The following SAMD4A variants were observed in gnomAD, a reference collection of about 807,000 sequenced individuals.
SAMD4A encodes the protein protein Smaug homolog 1.
A neutral mutation model predicts 81.3 loss-of-function variants in SAMD4A; 33 were observed. The ratio of observed to expected loss-of-function variants is 0.41; its 90% CI spans 0.31 to 0.54. The LOEUF (loss-of-function observed/expected upper bound fraction) is 0.54. Among genes scored for constraint, SAMD4A ranks in the 20% least tolerant of loss-of-function variants. SAMD4A has a pLI of 0.37. For synonymous variants in SAMD4A, 389 were observed against 382.1 expected (o/e 1.02, Z -0.21); for missense variants, 854 against 951.1 (o/e 0.90, Z 1.34).
chr14:54,659,279 A>G (rs888031653), intron 2 of SAMD4A, among the ~76,000 whole-genome samples: 2 of 152,032 alleles, frequency 1.3e-5, no homozygotes, highest in Admixed American at 6.6e-5. Flanking sequence ...CAAAATCTCT[A>G]TGGGTGTGGA....
chr14:54,650,986 T>C (rs972655388), intron 2 of SAMD4A, among the ~76,000 whole-genome samples: 21 of 152,236 alleles, frequency 1.4e-4, no homozygotes, highest in African/African-American at 4.6e-4. Context: ...TTCAGAAAAC[T>C]GAGCACCTCA....
At chr14:54,625,318 T>C (rs2034719035) in intron 2 of SAMD4A, among the ~76,000 whole-genome samples, 1 of 152,262 alleles carries the variant, frequency 6.6e-6, no homozygotes, top group Admixed American at 6.5e-5. Context: ...TCTGACTTGC[T>C]GCGCAATTAC....
intron 3 of SAMD4A, among the ~76,000 whole-genome samples, chr14:54,718,963 A>G (rs1311308071): frequency 3.3e-5 from 5 of 150,532 alleles, no homozygotes; most frequent in African/African-American, 1.2e-4. Context: ...AGATCATACC[A>G]TTGCACTCTA....
intron 2 of SAMD4A, among the ~76,000 whole-genome samples, chr14:54,609,665 T>C (rs17127663): frequency 0.058 from 8,795 of 152,308 alleles, 326 homozygotes; most frequent in East Asian, 0.15. Context: ...ATAGCTGTAA[T>C]TGACGAGTGC....
intron 2 of SAMD4A, among the ~76,000 whole-genome samples, chr14:54,610,348 G>A (rs746536699): frequency 6.6e-6 from 1 of 152,108 alleles, no homozygotes; most frequent in Non-Finnish European, 1.5e-5. Context: ...GTCATCTGTC[G>A]AAAAGCAACT....
At chr14:54,751,773 C>T (rs2038107831) in intron 6 of SAMD4A, among the ~76,000 whole-genome samples, 1 of 152,198 alleles carries the variant, frequency 6.6e-6, no homozygotes, top group African/African-American at 2.4e-5. Flanking sequence ...GCCTGGCCGT[C>T]CTAGAGCCCT....
At chr14:54,573,343 A>G (rs1187584) in intron 2 of SAMD4A, among the ~76,000 whole-genome samples, 138,279 of 152,234 alleles carry the variant, frequency 0.91, 63,252 homozygotes, top group African/African-American at 0.96. Flanking sequence ...AGTCAAATTG[A>G]CTTGTTTTTG....
Position 54,704,107 on chromosome 14 carries a change from A to G in SAMD4A, c.715+1527A>G, listed in dbSNP as rs547932185. Among the ~76,000 whole-genome samples, 16 of 152,274 alleles carry G rather than the reference A, an allele frequency of 1.1e-4. No homozygotes were observed. The South Asian group carries it at 3.3e-3, about 32-fold the overall frequency. ...CTTTTTTCTGCTTTTCCATTTAGAT[A>G]TGGTTAACTTGCACATTATGGGAAT... is the stretch of plus-strand genomic sequence containing the variant. On this transcript the variant is annotated intron_variant, in intron 3 of 12. Coordinates refer to ENST00000554335, the MANE Select transcript of SAMD4A (RefSeq NM_015589.6).
intron 5 of SAMD4A, among the ~76,000 whole-genome samples, chr14:54,749,760 T>A (rs932061970): frequency 1.3e-5 from 2 of 152,242 alleles, no homozygotes; most frequent in Admixed American, 6.5e-5. Context: ...ATGTTTCACA[T>A]TGGCCTCAGT....
chr14:54,750,023 C>A (rs1375852528), intron 5 of SAMD4A, among the ~76,000 whole-genome samples: 1 of 152,218 alleles, frequency 6.6e-6, no homozygotes, highest in Non-Finnish European at 1.5e-5. Flanking sequence ...CTCATTTCAA[C>A]TTCCTAACAT....
In SAMD4A at chr14:54,775,136, G is replaced by C; in HGVS notation, c.1917+1G>C. On this transcript the variant is annotated splice_donor_variant, in intron 10 of 12. Coordinates refer to ENST00000554335, the MANE Select transcript of SAMD4A (RefSeq NM_015589.6). LOFTEE classifies it high-confidence loss of function. ...CACCATCATGAAACAAGGAAGACAG[G>C]TTTGTTCTGCCCCAAGGAAGGAGGA... 6.2e-7 allele frequency: 1 copy of C among 1,614,204 alleles called. No individual in the cohort carries two copies. Among genetic ancestry groups the C allele is most frequent in the Non-Finnish European group, 8.5e-7 (1 of 1,180,034 alleles).
intron 9 of SAMD4A, among the ~76,000 whole-genome samples, chr14:54,774,442 G>A (rs944740912): frequency 3.3e-5 from 5 of 152,150 alleles, no homozygotes; most frequent in African/African-American, 7.2e-5. Flanking sequence ...AGTGGCTCAC[G>A]CCTGTAATCC....
chr14:54,717,211 G>A (rs531513316), intron 3 of SAMD4A, among the ~76,000 whole-genome samples: 3 of 152,106 alleles, frequency 2.0e-5, no homozygotes, highest in East Asian at 1.9e-4. Flanking sequence ...GAGGCCGAGC[G>A]GGGAGGATTG....
intron 12 of SAMD4A, among the ~76,000 whole-genome samples, chr14:54,785,179 C>A (rs1366019458): frequency 6.6e-6 from 1 of 152,258 alleles, no homozygotes; most frequent in Non-Finnish European, 1.5e-5. Flanking sequence ...GGTGTCCTTT[C>A]CTGTGTGACA....
intron 2 of SAMD4A, among the ~76,000 whole-genome samples, chr14:54,695,953 G>GAAAAAAAAAAAAA (rs35817270): frequency 2.2e-4 from 17 of 78,262 alleles, no homozygotes; most frequent in East Asian, 4.1e-4. Context: ...CTCCATCTCA[G>GAAAAAAAAAAAAA]AAAAAAAAAA....
At position 54,789,114 on chromosome 14, in the gene SAMD4A, A is replaced by G; in HGVS notation, c.*170A>G. 1.4e-6 allele frequency: 1 copy of G among 690,730 alleles called. No homozygotes were observed. Among genetic ancestry groups the G allele is most frequent in the Non-Finnish European group, 2.5e-6 (1 of 392,472 alleles). The allele number at this position is 690,730 out of a possible 1,614,324, so 42.8% of individuals were successfully genotyped here. A position where few individuals can be genotyped will look rare whatever the true frequency, so the allele number is the denominator to read the frequency against. Reference sequence around the variant, plus strand: ...GAGCGTAGGTCATCCTCGTAAACATATCAGTAGACCTGGGGTTGGTTATTT... The same window carrying G: ...GAGCGTAGGTCATCCTCGTAAACATGTCAGTAGACCTGGGGTTGGTTATTT... On this transcript the variant is annotated 3_prime_UTR_variant, in exon 13 of 13. Coordinates refer to ENST00000554335, the MANE Select transcript of SAMD4A (RefSeq NM_015589.6).
At chr14:54,772,812 TAAAAAC>T (rs1453575620) in intron 9 of SAMD4A, among the ~76,000 whole-genome samples, 1 of 143,724 alleles carries the variant, frequency 7.0e-6, no homozygotes, top group Non-Finnish European at 1.5e-5. Context: ...TTTTCGTCAT[TAAAAAC>T]AAACAAACAA....
chr14:54,568,214 G>C, intron 2 of SAMD4A, 102 bp downstream of exon 2: 1 of 1,118,082 alleles, frequency 8.9e-7, no homozygotes, highest in Non-Finnish European at 1.2e-6. Context: ...CCTGCCAGCC[G>C]CGCCGGGACC....
intron 2 of SAMD4A, among the ~76,000 whole-genome samples, chr14:54,626,191 T>C (rs1232416926): frequency 6.6e-6 from 1 of 152,186 alleles, no homozygotes; most frequent in Non-Finnish European, 1.5e-5. Context: ...CATCCTGTTT[T>C]AGCACCAGTT....
Sources: gnomAD v4.1 joint callset for allele counts (sites outside exome capture counted in the v4.1 genomes callset) on GRCh38, gnomAD v4.1.1 for gene constraint, MANE v1.5 for transcripts, NCBI Gene and HGNC (gene_info 2026-07-23, HGNC 2026-07-21) for gene names.